Variants in CNBD1 observed in about 807,000 individuals in gnomAD.
The protein encoded by CNBD1 is cyclic nucleotide-binding domain-containing protein 1.
Under a neutral mutation model 54.4 loss-of-function variants are expected in CNBD1, and 71 were observed. The observed-to-expected ratio is 1.30, with a 90% CI of 1.08 to 1.59. The LOEUF is 1.59. CNBD1 is among the 40% of genes most tolerant of loss of function. The pLI is 0.00. For missense variants in CNBD1, 659 were observed against 518.0 expected (o/e 1.27, Z -2.64); for synonymous variants, 182 against 170.7 (o/e 1.07, Z -0.51).
intron 5 of CNBD1, among the ~76,000 whole-genome samples, chr8:87,228,834 T>C (rs58011846): frequency 0.091 from 13,800 of 152,078 alleles, 1,934 homozygotes; most frequent in African/African-American, 0.29. Flanking sequence ...GCGCCCCTCC[T>C]CCAGCCTCGC....
intron 4 of CNBD1, among the ~76,000 whole-genome samples, chr8:86,961,306 A>T (rs775735418): frequency 6.6e-6 from 1 of 152,222 alleles, no homozygotes; most frequent in African/African-American, 2.4e-5. Flanking sequence ...TTTCTATGAC[A>T]GTTTGATTTT....
chr8:86,922,204 G>T (rs4526378), intron 3 of CNBD1, among the ~76,000 whole-genome samples: 63,175 of 151,944 alleles, frequency 0.42, 16,143 homozygotes, highest in South Asian at 0.6. Context: ...GCCCAAGTTG[G>T]TAGTTGTCAC....
rs71277937 is a variant in CNBD1 at position 87,361,689 on chromosome 8, A to AATATATATATATATAT, written c.1303+7908_1303+7923dup. On this transcript the variant is annotated intron_variant, in intron 10 of 10. Coordinates refer to ENST00000518476, the MANE Select transcript of CNBD1 (RefSeq NM_173538.3). Reference sequence around the variant, plus strand: ...ATCATTCCAACAAAATAGTTGGATGAATATATATATATATATATATTCTTG... The same window carrying AATATATATATATATAT: ...ATCATTCCAACAAAATAGTTGGATGAATATATATATATATATATATATATATATATATATATTCTTG... Among the ~76,000 whole-genome samples, 139 of 143,454 alleles carry AATATATATATATATAT rather than the reference A, an allele frequency of 9.7e-4. 1 individual carries two copies. The highest frequency in any genetic ancestry group is 1.9e-3 in the African/African-American group (74 of 38,128). 94.1% of individuals were successfully genotyped at this position (143,454 alleles called of 152,430 possible). A position where few individuals can be genotyped will look rare whatever the true frequency, so the allele number is the denominator to read the frequency against.
intron 10 of CNBD1, among the ~76,000 whole-genome samples, chr8:87,381,110 G>A (rs1020080098): frequency 1.3e-5 from 2 of 151,942 alleles, no homozygotes; most frequent in Non-Finnish European, 2.9e-5. Context: ...CCTATAGAAT[G>A]GGAGAAAATA....
chr8:87,378,362 T>A (rs1195330927), intron 10 of CNBD1, among the ~76,000 whole-genome samples: 1 of 149,234 alleles, frequency 6.7e-6, no homozygotes, highest in African/African-American at 2.5e-5. Flanking sequence ...AGTTTCAGCT[T>A]TCTACATATG....
chr8:87,134,868 C>G (rs1024212651), intron 4 of CNBD1, among the ~76,000 whole-genome samples: 1 of 151,964 alleles, frequency 6.6e-6, no homozygotes, highest in Non-Finnish European at 1.5e-5. Flanking sequence ...CTCAGCCTCC[C>G]AAAGTGCTGG....
intron 4 of CNBD1, among the ~76,000 whole-genome samples, chr8:87,096,278 T>C (rs144672214): frequency 3.9e-5 from 6 of 152,206 alleles, no homozygotes; most frequent in African/African-American, 1.4e-4. Flanking sequence ...ATTTGTGGCT[T>C]ATAGCCGGCC....
intron 4 of CNBD1, among the ~76,000 whole-genome samples, chr8:87,074,204 C>G (rs1810818516): frequency 6.6e-6 from 1 of 151,944 alleles, no homozygotes. Flanking sequence ...CATTTGGACT[C>G]TCCAAAGCTG....
At chr8:86,920,036 C>T (rs1457497196) in intron 3 of CNBD1, among the ~76,000 whole-genome samples, 3 of 151,838 alleles carry the variant, frequency 2.0e-5, no homozygotes, top group Admixed American at 2.0e-4. Flanking sequence ...CAAACTGTAA[C>T]TTTTCTATTG....
Position 87,078,358 on chromosome 8 carries a change from G to A in CNBD1, c.432-127635G>A, listed in dbSNP as rs576342914. On this transcript the variant is annotated intron_variant, in intron 4 of 10. Coordinates refer to ENST00000518476, the MANE Select transcript of CNBD1 (RefSeq NM_173538.3). ...AAAATAATGTTAATGTCAGTGTAAA[G>A]CTGTGTGAATGTTGCTAGTTTTATT... Among the ~76,000 whole-genome samples, 411 of 152,290 alleles carry A rather than the reference G, an allele frequency of 2.7e-3. 1 individual carries two copies. Among genetic ancestry groups the A allele is most frequent in the Non-Finnish European group, 5.0e-3 (340 of 68,022 alleles).
At chr8:87,292,871 G>C (rs933413840) in intron 8 of CNBD1, among the ~76,000 whole-genome samples, 1 of 152,124 alleles carries the variant, frequency 6.6e-6, no homozygotes, top group Non-Finnish European at 1.5e-5. Flanking sequence ...AGCAGCAGGA[G>C]TGAGGTTTCC....
At chr8:87,136,679 A>G (rs1812237867) in intron 4 of CNBD1, among the ~76,000 whole-genome samples, 1 of 20,874 alleles carries the variant, frequency 4.8e-5, no homozygotes, top group South Asian at 1.2e-3. Context: ...TATAAATTAT[A>G]TATTATATTT....
At chr8:86,965,038 A>G (rs535219400) in intron 4 of CNBD1, among the ~76,000 whole-genome samples, 1 of 152,240 alleles carries the variant, frequency 6.6e-6, no homozygotes, top group South Asian at 2.1e-4. Flanking sequence ...TTACAAGAAC[A>G]TTTTTACCAC....
intron 4 of CNBD1, among the ~76,000 whole-genome samples, chr8:87,030,025 C>G (rs1809746741): frequency 6.6e-6 from 1 of 152,084 alleles, no homozygotes; most frequent in Non-Finnish European, 1.5e-5. Flanking sequence ...GAATTCTGTA[C>G]TCTGTTCATT....
intron 1 of CNBD1, among the ~76,000 whole-genome samples, chr8:86,875,579 T>A (rs116167775): frequency 0.021 from 3,160 of 152,336 alleles, 105 homozygotes; most frequent in African/African-American, 0.072. Flanking sequence ...TTCTAATTTC[T>A]AAATCTTGTG....
At chr8:87,315,719 G>A (rs189139238) in intron 8 of CNBD1, among the ~76,000 whole-genome samples, 487 of 152,134 alleles carry the variant, frequency 3.2e-3, no homozygotes, top group Non-Finnish European at 5.4e-3. Context: ...AATATCCATA[G>A]CAGCTGGGAA....
chr8:87,423,248 C>G (rs1807978171), intron 2 of CNBD1, among the ~76,000 whole-genome samples: 1 of 151,742 alleles, frequency 6.6e-6, no homozygotes, highest in Admixed American at 6.6e-5. Flanking sequence ...TCCTCTTTTC[C>G]TAATTGAATA....
intron 5 of CNBD1, among the ~76,000 whole-genome samples, chr8:87,209,613 T>C (rs1374372184): frequency 6.6e-6 from 1 of 152,160 alleles, no homozygotes; most frequent in Non-Finnish European, 1.5e-5. Context: ...AATTGATCTA[T>C]AGATTCAGTG....
intron 10 of CNBD1, among the ~76,000 whole-genome samples, chr8:87,372,063 C>A (rs374656520): frequency 6.6e-6 from 1 of 151,850 alleles, no homozygotes; most frequent in Non-Finnish European, 1.5e-5. Flanking sequence ...TGTTTGCAGA[C>A]GACATGATTG....
Sources: allele counts gnomAD v4.1 joint callset (sites outside exome capture counted in the v4.1 genomes callset), GRCh38; gene constraint gnomAD v4.1.1; transcripts MANE v1.5; gene names NCBI Gene and HGNC (gene_info 2026-07-23, HGNC 2026-07-21).